KCNN2: variants seen among roughly 807,000 people sequenced by gnomAD.
KCNN2 encodes potassium calcium-activated channel subfamily N member 2, also known as small conductance calcium-activated potassium channel protein 2.
Under a neutral mutation model 55.5 loss-of-function variants are expected in KCNN2, and 24 were observed. The observed-to-expected ratio is 0.43, with a 90% CI of 0.31 to 0.61. The LOEUF is 0.61. Among genes scored for constraint, KCNN2 ranks in the 20% least tolerant of loss-of-function variants. The pLI, the probability that KCNN2 is intolerant of heterozygous loss-of-function variation, is 0.08. For synonymous variants in KCNN2, 431 were observed against 336.1 expected (o/e 1.28, Z -3.09); for missense variants, 754 against 853.6 (o/e 0.88, Z 1.45).
chr5:114,244,658 A>AG (rs1754716759), intron 2 of KCNN2, among the ~76,000 whole-genome samples: 2 of 150,466 alleles, frequency 1.3e-5, no homozygotes, highest in Non-Finnish European at 3.0e-5. Context: ...GAGAGAGAGA[A>AG]AGAGAGAAAG....
intron 1 of KCNN2, among the ~76,000 whole-genome samples, chr5:114,146,672 A>G (rs948539837): frequency 3.9e-5 from 6 of 152,156 alleles, no homozygotes; most frequent in Admixed American, 6.6e-5. Context: ...TGTTGAGACA[A>G]TCTCAACACT....
intron 2 of KCNN2, among the ~76,000 whole-genome samples, chr5:114,241,244 A>G (rs558120692): frequency 1.3e-5 from 2 of 151,948 alleles, no homozygotes; most frequent in Non-Finnish European, 2.9e-5. Flanking sequence ...ATGTAATTTA[A>G]TGTAATTCCA....
chr5:114,483,713 C>CTGTGTG (rs3070952), intron 5 of KCNN2, among the ~76,000 whole-genome samples: 3,161 of 148,276 alleles, frequency 0.021, 47 homozygotes, highest in East Asian at 0.079. Context: ...TATTTTTCAA[C>CTGTGTG]TGTGTGTGTG....
intron 1 of KCNN2, among the ~76,000 whole-genome samples, chr5:114,112,741 A>G (rs947534032): frequency 3.3e-5 from 5 of 152,106 alleles, no homozygotes; most frequent in Non-Finnish European, 7.4e-5. Flanking sequence ...GGAAGTATCT[A>G]TATTAAATTG....
At chr5:114,177,867 A>G (rs6884723) in intron 1 of KCNN2, among the ~76,000 whole-genome samples, 2 of 152,176 alleles carry the variant, frequency 1.3e-5, no homozygotes, top group Non-Finnish European at 2.9e-5. Context: ...ATTTTGATCA[A>G]TTAGACATCG....
chr5:114,156,925 A>G (rs1752647104), intron 1 of KCNN2, among the ~76,000 whole-genome samples: 1 of 151,496 alleles, frequency 6.6e-6, no homozygotes, highest in Admixed American at 6.6e-5. Flanking sequence ...TCAAGCAAGT[A>G]TTTTTTCCAG....
chr5:114,245,641 A>G (rs533170591), intron 2 of KCNN2, among the ~76,000 whole-genome samples: 66 of 152,122 alleles, frequency 4.3e-4, no homozygotes, highest in African/African-American at 1.6e-3. Context: ...TGAAATAACA[A>G]TATAAGTATT....
At chr5:114,168,209 G>A (rs1384433697) in intron 1 of KCNN2, among the ~76,000 whole-genome samples, 3 of 146,234 alleles carry the variant, frequency 2.1e-5, no homozygotes, top group Non-Finnish European at 4.5e-5. Context: ...ACAACATCTA[G>A]GTAGTATGAT....
intron 2 of KCNN2, among the ~76,000 whole-genome samples, chr5:114,326,393 C>T (rs1045586244): frequency 3.9e-5 from 6 of 152,074 alleles, no homozygotes; most frequent in African/African-American, 7.2e-5. Flanking sequence ...ATTGGGTGCT[C>T]AGGTGTGAGT....
intron 2 of KCNN2, among the ~76,000 whole-genome samples, chr5:114,287,545 C>T (rs187921917): frequency 1.5e-3 from 216 of 143,560 alleles, no homozygotes; most frequent in Non-Finnish European, 2.6e-3. Flanking sequence ...GGGAGTTGAA[C>T]AAGGAGAACA....
chr5:114,171,115 T>C (rs966640774), intron 1 of KCNN2, among the ~76,000 whole-genome samples: 12 of 152,018 alleles, frequency 7.9e-5, no homozygotes, highest in Admixed American at 6.6e-4. Context: ...TTTCTAATTT[T>C]TCATTTTTAA....
intron 1 of KCNN2, among the ~76,000 whole-genome samples, chr5:114,101,637 A>C (rs1001721595): frequency 6.6e-6 from 1 of 150,720 alleles, no homozygotes; most frequent in Non-Finnish European, 1.5e-5. Flanking sequence ...CCTTGTGCCC[A>C]AATGGTCTCA....
Position 114,161,813 on chromosome 5 carries a change from A to G in KCNN2, c.-270-59667A>G, listed in dbSNP as rs1217279691. Among the ~76,000 whole-genome samples, 2 of 152,132 alleles carry G rather than the reference A, an allele frequency of 1.3e-5. 1 individual carries two copies. The highest frequency in any genetic ancestry group is 1.3e-4 in the Admixed American group (2 of 15,276). ...TCACATCAGCTACTGAGGCTTGTGC[A>G]TTCGTCACGTGGTTCTCATGCCATG... is the stretch of plus-strand genomic sequence containing the variant. On this transcript the variant is annotated intron_variant, in intron 1 of 10. Coordinates refer to the KCNN2 transcript ENST00000512097.
chr5:114,105,674 T>A (rs1021067612), intron 1 of KCNN2, among the ~76,000 whole-genome samples: 3 of 152,078 alleles, frequency 2.0e-5, no homozygotes, highest in African/African-American at 7.2e-5. Flanking sequence ...GGTAATTTGT[T>A]GCTAATGGAT....
chr5:114,398,122 A>G (rs1249025653), intron 2 of KCNN2, among the ~76,000 whole-genome samples: 1 of 152,108 alleles, frequency 6.6e-6, no homozygotes, highest in Non-Finnish European at 1.5e-5. Flanking sequence ...GTCCAGAATG[A>G]TATTTCCTAG....
At position 114,123,511 on chromosome 5, in the gene KCNN2, C is replaced by T. The variant is rs1035631276; in HGVS notation, c.-271+67011C>T. 3.7e-3 allele frequency among the ~76,000 whole-genome samples: 436 copies of T among 119,388 alleles called. 135 individuals carry two copies. The highest frequency in any genetic ancestry group is 0.016 in the African/African-American group (424 of 26,480). The allele number at this position is 119,388 out of a possible 152,430, so 78.3% of individuals were successfully genotyped here. ...CCGCGTAGCTGGGACTACAGGCGCC[C>T]GCCACCACGCCCGGCTAATTTTTTG... On this transcript the variant is annotated intron_variant, in intron 1 of 10. Transcript: ENST00000512097.
At chr5:114,081,445 C>T (rs962056540) in intron 1 of KCNN2, among the ~76,000 whole-genome samples, 1 of 152,060 alleles carries the variant, frequency 6.6e-6, no homozygotes, top group Non-Finnish European at 1.5e-5. Flanking sequence ...ACATACAGAC[C>T]AATGGAATAG....
chr5:114,322,549 A>G (rs140136994), intron 2 of KCNN2, among the ~76,000 whole-genome samples: 6 of 148,348 alleles, frequency 4.0e-5, no homozygotes, highest in Non-Finnish European at 4.4e-5. Flanking sequence ...GCATGCATAC[A>G]TGTGCACATA....
At chr5:114,262,935 A>G (rs1369117054) in intron 2 of KCNN2, among the ~76,000 whole-genome samples, 1 of 152,206 alleles carries the variant, frequency 6.6e-6, no homozygotes, top group Non-Finnish European at 1.5e-5. Flanking sequence ...ATCCTATTAT[A>G]TCATTCGCCA....
Sources: allele counts gnomAD v4.1 joint callset (sites outside exome capture counted in the v4.1 genomes callset), GRCh38; gene constraint gnomAD v4.1.1; transcripts MANE v1.5; gene names NCBI Gene and HGNC (gene_info 2026-07-23, HGNC 2026-07-21).